Variants in NCEH1 observed in about 807,000 individuals in gnomAD.
NCEH1 encodes the protein 2-acetyl MAGE hydrolase.
A neutral mutation model predicts 25.4 loss-of-function variants in NCEH1; 9 were observed. The observed-to-expected ratio is 0.35, with a 90% CI of 0.21 to 0.62. The LOEUF (loss-of-function observed/expected upper bound fraction) is 0.62, where lower values mean the gene tolerates loss of function less well. Ranked by LOEUF, NCEH1 falls within the 20% of genes least tolerant of loss-of-function variation. The pLI is 0.72. For synonymous variants in NCEH1, 200 were observed against 199.8 expected, an observed-to-expected ratio of 1.00 and a Z score of -0.01; for missense variants, 412 against 501.1, an observed-to-expected ratio of 0.82 and a Z score of 1.70.
At chr3:172,634,867 C>CAT (rs1403881318) in intron 4 of NCEH1, among the ~76,000 whole-genome samples, 2 of 152,212 alleles carry the variant, frequency 1.3e-5, no homozygotes, top group Non-Finnish European at 2.9e-5. Flanking sequence ...ACTTCTGCTT[C>CAT]ATACTTGGAC....
intron 1 of NCEH1, among the ~76,000 whole-genome samples, chr3:172,690,415 A>T (rs1327887047): frequency 6.6e-6 from 1 of 152,216 alleles, no homozygotes; most frequent in Non-Finnish European, 1.5e-5. Flanking sequence ...GTAACAAGTT[A>T]AAAAAATCGA....
chr3:172,636,962 G>A (rs1716623576), intron 3 of NCEH1, among the ~76,000 whole-genome samples: 1 of 152,024 alleles, frequency 6.6e-6, no homozygotes, highest in Non-Finnish European at 1.5e-5. Flanking sequence ...GGAGGGTTTG[G>A]CCTCCTCTGG....
At chr3:172,694,045 C>T (rs760420739) in intron 1 of NCEH1, among the ~76,000 whole-genome samples, 1 of 152,148 alleles carries the variant, frequency 6.6e-6, no homozygotes, top group Non-Finnish European at 1.5e-5. Context: ...AGGCACGTGC[C>T]ACCACACCCA....
Position 172,633,268 on chromosome 3 carries a change from C to A in NCEH1, c.*207G>T, listed in dbSNP as rs2108485935. The A allele has an allele frequency of 1.7e-6, 1 of 573,538 alleles. No homozygotes were observed. Among genetic ancestry groups the A allele is most frequent in the Non-Finnish European group, 3.1e-6 (1 of 326,520 alleles). The allele number at this position is 573,538 out of a possible 1,614,324, so 35.5% of individuals were successfully genotyped here. A position where few individuals can be genotyped will look rare whatever the true frequency, so the allele number is the denominator to read the frequency against. Reference sequence around the variant, plus strand: ...CAGAGAGATTGGCCCACTCTGGGAACCAAATTTACATGTTTTGCACTTAAG... The same window carrying A: ...CAGAGAGATTGGCCCACTCTGGGAAACAAATTTACATGTTTTGCACTTAAG... On this transcript the variant is annotated 3_prime_UTR_variant, in exon 5 of 5. Coordinates refer to ENST00000475381, the MANE Select transcript of NCEH1 (RefSeq NM_020792.6).
At chr3:172,667,394 GAC>G (rs1718265601) in intron 1 of NCEH1, among the ~76,000 whole-genome samples, 1 of 152,216 alleles carries the variant, frequency 6.6e-6, no homozygotes, top group African/African-American at 2.4e-5. Context: ...GCTCAAAGAC[GAC>G]ACAGTCTCTC....
chr3:172,671,584 C>T (rs1368703654), intron 1 of NCEH1, among the ~76,000 whole-genome samples: 1 of 151,604 alleles, frequency 6.6e-6, no homozygotes, highest in Non-Finnish European at 1.5e-5. Flanking sequence ...ACACCTGCTA[C>T]ATGTGTGTAT....
chr3:172,686,009 C>T (rs1712674847), intron 1 of NCEH1, among the ~76,000 whole-genome samples: 1 of 152,248 alleles, frequency 6.6e-6, no homozygotes, highest in East Asian at 1.9e-4. Context: ...ATTCACTCAG[C>T]TCAGGAAATT....
At chr3:172,708,117 T>C (rs1291783693) in intron 1 of NCEH1, among the ~76,000 whole-genome samples, 1 of 148,340 alleles carries the variant, frequency 6.7e-6, no homozygotes, top group East Asian at 2.0e-4. Context: ...ATGAACATAA[T>C]CTCAATAGTC....
rs371527717 is a variant in NCEH1, at chr3:172,711,043, A to G, written c.-59T>C. The G allele has an allele frequency of 6.2e-7, 1 of 1,611,486 alleles. No homozygotes were observed. Among genetic ancestry groups the G allele is most frequent in the Non-Finnish European group, 8.5e-7 (1 of 1,178,198 alleles). ...AAGAGGAAAGGGCGATACCACCCGG[A>G]GACCTCCGGCAACTTTCTGCCCGCG... is the stretch of plus-strand genomic sequence containing the variant. On this transcript the variant is annotated 5_prime_UTR_variant, in exon 1 of 5. Transcript: ENST00000475381.
At chr3:172,650,811 CGAAA>C (rs1159108788) in intron 1 of NCEH1, among the ~76,000 whole-genome samples, 4 of 89,984 alleles carry the variant, frequency 4.4e-5, no homozygotes, top group African/African-American at 2.0e-4. Context: ...GACTCTGCCT[CGAAA>C]AAAAAAAAAA....
In NCEH1 at chr3:172,666,549, A is replaced by G. The variant is rs181351037; in HGVS notation, c.139-18435T>C. ...TTCCTTCTTGCCTAATAAACTCTCCACTCCTTAAAACCATTACATGTGTGT... is the reference window on the plus strand; with the variant it reads ...TTCCTTCTTGCCTAATAAACTCTCCGCTCCTTAAAACCATTACATGTGTGT... On this transcript the variant is annotated intron_variant, in intron 1 of 4. Transcript: ENST00000475381. 5.3e-5 allele frequency among the ~76,000 whole-genome samples: 8 copies of G among 150,810 alleles called. No individual in the cohort carries two copies. The East Asian group carries it at 1.6e-3, about 29-fold the overall frequency.
rs1002819324 is a variant in NCEH1, at chr3:172,701,974, T to C, written c.138+8873A>G. ...TCCAGCCAGTCTAAACCACTTGTAG[T>C]TCCTCAGCTACACCATCCTCTCCCA... is the stretch of plus-strand genomic sequence containing the variant. On this transcript the variant is annotated intron_variant, in intron 1 of 4. Transcript: ENST00000475381. Among the ~76,000 whole-genome samples the C allele has an allele frequency of 9.9e-5, 15 of 152,138 alleles. 1 individual carries two copies. The highest frequency in any genetic ancestry group is 2.9e-5 in the Non-Finnish European group (2 of 68,020).
At chr3:172,682,204 C>G (rs1712419968) in intron 1 of NCEH1, among the ~76,000 whole-genome samples, 1 of 151,598 alleles carries the variant, frequency 6.6e-6, no homozygotes, top group Admixed American at 6.6e-5. Flanking sequence ...TTTAGGGAAA[C>G]AACATGCTTG....
intron 1 of NCEH1, among the ~76,000 whole-genome samples, chr3:172,651,976 C>T (rs549967814): frequency 6.6e-6 from 1 of 152,196 alleles, no homozygotes; most frequent in East Asian, 1.9e-4. Flanking sequence ...GAAAGTGTTG[C>T]AGAGGAAATG....
intron 1 of NCEH1, among the ~76,000 whole-genome samples, chr3:172,698,090 C>T (rs925717872): frequency 5.3e-5 from 8 of 151,014 alleles, no homozygotes; most frequent in Non-Finnish European, 1.0e-4. Flanking sequence ...GACTCTCCTG[C>T]CTCAGCCTTC....
intron 1 of NCEH1, among the ~76,000 whole-genome samples, chr3:172,648,616 A>C (rs1374202044): frequency 6.6e-6 from 1 of 152,134 alleles, no homozygotes. Context: ...ATTGCTTTGT[A>C]ACTTCAATAT....
intron 1 of NCEH1, among the ~76,000 whole-genome samples, chr3:172,674,175 CTCA>C (rs1405302666): frequency 2.0e-5 from 3 of 152,310 alleles, no homozygotes; most frequent in African/African-American, 7.2e-5. Flanking sequence ...AGCACATTGG[CTCA>C]CGCCTGTAAT....
At chr3:172,692,442 C>T (rs371374547) in intron 1 of NCEH1, among the ~76,000 whole-genome samples, 24 of 152,116 alleles carry the variant, frequency 1.6e-4, no homozygotes, top group Admixed American at 1.2e-3. Context: ...ACTGTAGCCT[C>T]AATTTCCTGG....
chr3:172,630,564 T>C lies in NCEH1; in HGVS notation c.*2911A>G, dbSNP rs986063956. On this transcript the variant is annotated 3_prime_UTR_variant, in exon 5 of 5. Transcript: ENST00000475381. ...CACTGGGCAGAAGATTGGGAAAGAATTGTGGCTGGCAATTTGGCATACAGA... is the reference window on the plus strand; with the variant it reads ...CACTGGGCAGAAGATTGGGAAAGAACTGTGGCTGGCAATTTGGCATACAGA... 11 of 152,304 alleles carry C rather than the reference T, an allele frequency of 7.2e-5. No individual in the cohort carries two copies. The highest frequency in any genetic ancestry group is 1.9e-4 in the East Asian group (1 of 5,192). 9.4% of individuals were successfully genotyped at this position (152,304 alleles called of 1,614,324 possible).
Sources: gnomAD v4.1 joint callset for allele counts (sites outside exome capture counted in the v4.1 genomes callset) on GRCh38, gnomAD v4.1.1 for gene constraint, MANE v1.5 for transcripts, NCBI Gene and HGNC (gene_info 2026-07-23, HGNC 2026-07-21) for gene names.